The following GBE1 variants were observed in gnomAD, a reference collection of about 807,000 sequenced individuals.
GBE1 encodes the protein 1,4-alpha-glucan branching enzyme 1.
Under a neutral mutation model 88.8 loss-of-function variants are expected in GBE1, and 70 were observed. That is an observed-to-expected ratio of 0.79 (90% CI 0.65 to 0.96). GBE1 has a LOEUF of 0.96. Ranked by LOEUF, GBE1 falls within the 40% of genes least tolerant of loss-of-function variation. GBE1 has a pLI of 0.00. For synonymous variants in GBE1, 284 were observed against 300.1 expected, an observed-to-expected ratio of 0.95 and a Z score of 0.56; for missense variants, 872 against 871.0, an observed-to-expected ratio of 1.00 and a Z score of -0.01.
At chr3:81,671,801 G>A (rs765745069) in intron 2 of GBE1, among the ~76,000 whole-genome samples, 2 of 151,956 alleles carry the variant, frequency 1.3e-5, no homozygotes, top group Admixed American at 1.3e-4. Flanking sequence ...AAACTTTTAA[G>A]ACTGATAATT....
intron 1 of GBE1, among the ~76,000 whole-genome samples, chr3:81,737,111 T>A (rs868808833): frequency 6.6e-6 from 1 of 151,290 alleles, no homozygotes; most frequent in East Asian, 1.9e-4. Flanking sequence ...GAGAAAGAGA[T>A]AATAATAACA....
At chr3:81,546,200 GCACACACACACACAAACTCA>G (rs568933458) in intron 12 of GBE1, among the ~76,000 whole-genome samples, 135 of 150,712 alleles carry the variant, frequency 9.0e-4, no homozygotes, top group Non-Finnish European at 1.6e-3. Context: ...CACTGTACAT[GCACACACACACACAAACTCA>G]CACACACACA....
intron 1 of GBE1, among the ~76,000 whole-genome samples, chr3:81,737,359 T>C (rs13085907): frequency 3.7e-4 from 14 of 38,268 alleles, no homozygotes; most frequent in African/African-American, 8.5e-4. Context: ...AAATATATAT[T>C]TATATATTTA....
At chr3:81,583,238 GTA>G (rs776464406) in intron 10 of GBE1, among the ~76,000 whole-genome samples, 7 of 152,136 alleles carry the variant, frequency 4.6e-5, no homozygotes, top group Non-Finnish European at 8.8e-5. Context: ...TGGTGAGGAT[GTA>G]TAGAGGCAGG....
chr3:81,500,149 A>G (rs1244878894), intron 14 of GBE1, among the ~76,000 whole-genome samples: 1 of 152,194 alleles, frequency 6.6e-6, no homozygotes, highest in African/African-American at 2.4e-5. Context: ...GAAGATGGAC[A>G]CGCTACAGAA....
intron 7 of GBE1, among the ~76,000 whole-genome samples, chr3:81,600,508 A>G (rs757440717): frequency 2.0e-5 from 3 of 152,132 alleles, no homozygotes; most frequent in Non-Finnish European, 4.4e-5. Flanking sequence ...GGCCTGAGCC[A>G]TGGTGCTTGG....
chr3:81,545,156 G>C (rs192003895), intron 12 of GBE1, among the ~76,000 whole-genome samples: 1 of 152,144 alleles, frequency 6.6e-6, no homozygotes, highest in East Asian at 1.9e-4. Flanking sequence ...ATTGCAGTGA[G>C]TACTTAACTC....
intron 1 of GBE1, among the ~76,000 whole-genome samples, chr3:81,731,103 A>G (rs866301969): frequency 6.6e-6 from 1 of 152,144 alleles, no homozygotes; most frequent in Admixed American, 6.6e-5. Flanking sequence ...TTAATTTTAC[A>G]TCTTTAATTC....
chr3:81,712,559 A>G (rs1293594481), intron 1 of GBE1, among the ~76,000 whole-genome samples: 1 of 151,978 alleles, frequency 6.6e-6, no homozygotes, highest in East Asian at 1.9e-4. Flanking sequence ...CAAAAAACCA[A>G]ACACCGCATG....
intron 4 of GBE1, among the ~76,000 whole-genome samples, chr3:81,649,546 T>A (rs1704815263): frequency 6.6e-6 from 1 of 152,132 alleles, no homozygotes; most frequent in South Asian, 2.1e-4. Context: ...TAGATTAGTA[T>A]ATAGCAATTT....
chr3:81,719,370 C>T (rs1483830820), intron 1 of GBE1, among the ~76,000 whole-genome samples: 1 of 152,098 alleles, frequency 6.6e-6, no homozygotes, highest in Non-Finnish European at 1.5e-5. Flanking sequence ...GCACGTGCCA[C>T]CATGCCCAAC....
At chr3:81,545,376 T>C (rs1703193059) in intron 12 of GBE1, among the ~76,000 whole-genome samples, 1 of 152,160 alleles carries the variant, frequency 6.6e-6, no homozygotes, top group Admixed American at 6.5e-5. Flanking sequence ...TAAATATTTG[T>C]TAAGATTTGA....
chr3:81,507,013 C>G (rs995361317), intron 14 of GBE1, among the ~76,000 whole-genome samples: 2 of 151,930 alleles, frequency 1.3e-5, no homozygotes, highest in African/African-American at 4.8e-5. Context: ...CAATGAACCC[C>G]CATGACACAA....
intron 12 of GBE1, among the ~76,000 whole-genome samples, chr3:81,557,855 A>G (rs1703368083): frequency 6.6e-6 from 1 of 151,992 alleles, no homozygotes; most frequent in South Asian, 2.1e-4. Flanking sequence ...CAGACAGGAG[A>G]ATCATAACAT....
intron 1 of GBE1, among the ~76,000 whole-genome samples, chr3:81,756,431 A>G (rs1199043272): frequency 6.6e-6 from 1 of 152,250 alleles, no homozygotes; most frequent in African/African-American, 2.4e-5. Flanking sequence ...CCACTGGCTC[A>G]TTCAAGTATT....
At chr3:81,761,261 T>C in intron 1 of GBE1, 114 bp downstream of exon 1, 8 of 1,381,398 alleles carry the variant, frequency 5.8e-6, no homozygotes, top group Non-Finnish European at 7.8e-6. Flanking sequence ...CTCAGGTTCC[T>C]CCCCGCCTGG....
At chr3:81,648,795 T>G (rs1576184596) in intron 5 of GBE1, 61 bp downstream of exon 5, 1 of 998,682 alleles carries the variant, frequency 1.0e-6, no homozygotes, top group East Asian at 2.7e-5. Flanking sequence ...AATTAGCTTT[T>G]CTAATAAGAG....
intron 15 of GBE1, among the ~76,000 whole-genome samples, chr3:81,492,746 CT>C (rs201262203): frequency 1.3e-3 from 179 of 135,164 alleles, no homozygotes; most frequent in African/African-American, 2.6e-3. Context: ...TTCTTTCTTT[CT>C]TTTTTTTTTT....
chr3:81,724,993 T>A (rs1029906887), intron 1 of GBE1, among the ~76,000 whole-genome samples: 8 of 152,166 alleles, frequency 5.3e-5, no homozygotes, highest in Non-Finnish European at 1.2e-4. Context: ...GGACTCAATT[T>A]TTGGACACAA....
Sources: gnomAD v4.1 joint callset for allele counts (sites outside exome capture counted in the v4.1 genomes callset) on GRCh38, gnomAD v4.1.1 for gene constraint, MANE v1.5 for transcripts, NCBI Gene and HGNC (gene_info 2026-07-23, HGNC 2026-07-21) for gene names.